Variants in TRPM6 observed in about 807,000 individuals in gnomAD.
TRPM6 encodes the protein transient receptor potential cation channel subfamily M member 6.
A neutral mutation model predicts 247.6 loss-of-function variants in TRPM6; 111 were observed. The ratio of observed to expected loss-of-function variants is 0.45; its 90% CI spans 0.38 to 0.52. TRPM6 has a LOEUF of 0.52. TRPM6 is among the 20% of genes least tolerant of loss of function. The probability of loss-of-function intolerance (pLI) is 0.00; values close to 1 mark genes in which losing one functional copy is unlikely to be tolerated. For synonymous variants in TRPM6, 892 were observed against 853.8 expected, an observed-to-expected ratio of 1.04 and a Z score of -0.78; for missense variants, 2,126 against 2,421.5, an observed-to-expected ratio of 0.88 and a Z score of 2.56.
chr9:74,878,439 C>T (rs916067045), intron 1 of TRPM6, among the ~76,000 whole-genome samples: 10 of 152,180 alleles, frequency 6.6e-5, no homozygotes, highest in Non-Finnish European at 1.5e-4. Context: ...CTTATGTCCC[C>T]ATCCCCAGCA....
At position 74,746,108 on chromosome 9, in the gene TRPM6, G is replaced by A. The variant is rs186653014; in HGVS notation, c.5083+1781C>T. Among the ~76,000 whole-genome samples, 175 of 152,118 alleles carry A rather than the reference G, an allele frequency of 1.2e-3. 3 individuals carry two copies. Among genetic ancestry groups the A allele is most frequent in the African/African-American group, 3.9e-3 (160 of 41,502 alleles). The stretch of plus-strand genomic sequence containing the variant: ...ATACAAAAAATTAGCCGGGCGTGGT[G>A]GGTTCCTGTAGTCCCAGCTACTCGG... On this transcript the variant is annotated intron_variant, in intron 31 of 38. Transcript: ENST00000360774.
chr9:74,766,053 C>A (rs529745358), intron 25 of TRPM6, among the ~76,000 whole-genome samples: 2 of 152,162 alleles, frequency 1.3e-5, no homozygotes, highest in African/African-American at 4.8e-5. Context: ...GCCTCTCCAA[C>A]CAGTGAACTG....
chr9:74,763,516 C>T (rs545372171), intron 25 of TRPM6, among the ~76,000 whole-genome samples: 1 of 151,930 alleles, frequency 6.6e-6, no homozygotes, highest in Admixed American at 6.5e-5. Context: ...TTCCTAACAG[C>T]AAGCACCGTA....
At chr9:74,806,916 A>C (rs1828544106) in intron 14 of TRPM6, among the ~76,000 whole-genome samples, 1 of 152,224 alleles carries the variant, frequency 6.6e-6, no homozygotes, top group South Asian at 2.1e-4. Flanking sequence ...AGGCCATTTA[A>C]AGAAAGGGCA....
intron 36 of TRPM6, chr9:74,737,504 A>C: frequency 2.0e-5 from 21 of 1,059,694 alleles, no homozygotes; most frequent in East Asian, 5.9e-5. Flanking sequence ...AACAAACCAT[A>C]AGATGGTTAT....
intron 3 of TRPM6, among the ~76,000 whole-genome samples, chr9:74,847,131 G>A (rs1323161596): frequency 6.6e-6 from 1 of 152,144 alleles, no homozygotes; most frequent in African/African-American, 2.4e-5. Flanking sequence ...ACAATGTCAA[G>A]TACTAGCAAG....
chr9:74,770,317 TAGTC>T (rs1170585148), intron 25 of TRPM6, among the ~76,000 whole-genome samples: 12 of 152,218 alleles, frequency 7.9e-5, no homozygotes, highest in African/African-American at 2.9e-4. Flanking sequence ...TAATACATCA[TAGTC>T]AGTTCCATAT....
chr9:74,800,897 A>G (rs1336651117), intron 16 of TRPM6, among the ~76,000 whole-genome samples: 1 of 140,194 alleles, frequency 7.1e-6, no homozygotes, highest in African/African-American at 2.9e-5. Flanking sequence ...AAGACCTAAT[A>G]AAGTGTGTTT....
intron 33 of TRPM6, among the ~76,000 whole-genome samples, chr9:74,741,964 G>C (rs1402202153): frequency 1.3e-5 from 2 of 152,220 alleles, no homozygotes; most frequent in South Asian, 2.1e-4. Context: ...CATGTGAACA[G>C]TGTGAGAAGA....
chr9:74,842,362 A>C lies in TRPM6; in HGVS notation c.153-19T>G. 6.2e-7 allele frequency: 1 copy of C among 1,614,040 alleles called. No homozygotes were observed. Among genetic ancestry groups the C allele is most frequent in the East Asian group, 2.2e-5 (1 of 44,876 alleles). On this transcript the variant is annotated intron_variant, in intron 3 of 38. Coordinates refer to ENST00000360774, the MANE Select transcript of TRPM6 (RefSeq NM_017662.5). ...GTAACACCTTAAATTCAAGACCAAAAAAAAACTCAACTTCAAAATAGAAAA... is the reference window on the plus strand; with the variant it reads ...GTAACACCTTAAATTCAAGACCAAACAAAAACTCAACTTCAAAATAGAAAA...
chr9:74,817,949 G>A (rs1829000267), intron 9 of TRPM6, among the ~76,000 whole-genome samples: 1 of 152,166 alleles, frequency 6.6e-6, no homozygotes, highest in African/African-American at 2.4e-5. Flanking sequence ...AGAGGAACCT[G>A]TTGAATAATC....
chr9:74,747,921 G>GAA lies in TRPM6; in HGVS notation c.5058-9_5058-8dup. On this transcript the variant is annotated splice_region_variant and splice_polypyrimidine_tract_variant and intron_variant, in intron 30 of 38. Transcript: ENST00000360774. ...TCCAATTGAACTTTTCAGCCTGTTT[G>GAA]AAAAAAAAATGAAGTTGTTTAGATA... 6.3e-7 allele frequency: 1 copy of GAA among 1,589,904 alleles called. No homozygotes were observed.
chr9:74,763,249 G>A, intron 25 of TRPM6, 115 bp from the exon 26 acceptor site: 1 of 998,946 alleles, frequency 1.0e-6, no homozygotes, highest in Non-Finnish European at 1.5e-6. Context: ...GCTTCCCTAG[G>A]TTAAGTCTGT....
intron 27 of TRPM6, among the ~76,000 whole-genome samples, chr9:74,758,311 C>A: frequency 6.6e-6 from 1 of 151,942 alleles, no homozygotes; most frequent in East Asian, 1.9e-4. Flanking sequence ...CAAAACCAGA[C>A]AAAGATATTA....
chr9:74,793,539 T>A (rs1390225707), intron 18 of TRPM6, among the ~76,000 whole-genome samples: 1 of 152,112 alleles, frequency 6.6e-6, no homozygotes, highest in Non-Finnish European at 1.5e-5. Flanking sequence ...TTTTTAAATT[T>A]TGGAACCTAA....
chr9:74,777,453 T>A (rs1467479663), intron 23 of TRPM6, among the ~76,000 whole-genome samples: 1 of 152,224 alleles, frequency 6.6e-6, no homozygotes, highest in Non-Finnish European at 1.5e-5. Flanking sequence ...AACTTCTTTT[T>A]TGACACTGGA....
intron 1 of TRPM6, among the ~76,000 whole-genome samples, chr9:74,865,570 C>T (rs917073797): frequency 3.3e-5 from 5 of 152,136 alleles, no homozygotes; most frequent in Non-Finnish European, 7.3e-5. Flanking sequence ...TTAGATTTTC[C>T]ACCTACATGC....
chr9:74,786,542 C>A (rs937971891), intron 20 of TRPM6, among the ~76,000 whole-genome samples: 1 of 151,718 alleles, frequency 6.6e-6, no homozygotes, highest in South Asian at 2.1e-4. Context: ...AGATCGAGAT[C>A]ATCCTGGCTA....
intron 14 of TRPM6, chr9:74,804,614 T>G: frequency 1.3e-6 from 1 of 748,334 alleles, no homozygotes; most frequent in East Asian, 2.5e-5. Context: ...CTACTCAGCC[T>G]GAGGTTACAA....
Sources: gnomAD v4.1 joint callset for allele counts (sites outside exome capture counted in the v4.1 genomes callset) on GRCh38, gnomAD v4.1.1 for gene constraint, MANE v1.5 for transcripts, NCBI Gene and HGNC (gene_info 2026-07-23, HGNC 2026-07-21) for gene names.